Variants in KCMF1 observed in about 807,000 individuals in gnomAD.
KCMF1 encodes E3 ubiquitin-protein ligase KCMF1.
A neutral mutation model predicts 41.1 loss-of-function variants in KCMF1; 3 were observed. The observed-to-expected ratio is 0.07, with a 90% CI of 0.03 to 0.19. The LOEUF is 0.19. Among genes scored for constraint, KCMF1 ranks in the 10% least tolerant of loss-of-function variants. The pLI is 1.00. For synonymous variants in KCMF1, 142 were observed against 164.5 expected, an observed-to-expected ratio of 0.86 and a Z score of 1.04; for missense variants, 286 against 488.9, an observed-to-expected ratio of 0.58 and a Z score of 3.91.
intron 3 of KCMF1, among the ~76,000 whole-genome samples, chr2:85,035,969 A>G (rs1675392588): frequency 6.6e-6 from 1 of 152,214 alleles, no homozygotes; most frequent in Admixed American, 6.5e-5. Context: ...ATTGAAACCC[A>G]GAGAAATAAA....
Position 84,971,325 on chromosome 2 carries a change from C to G in KCMF1, c.-127C>G, listed in dbSNP as rs1272846149. On this transcript the variant is annotated 5_prime_UTR_variant, in exon 1 of 7. Transcript: ENST00000409785. ...CCGCGGGAGCGCTCCCCTGCCCACC[C>G]CGCCCCCGCGGCCGAGCCCGGGAGT... The G allele has an allele frequency of 2.8e-6, 1 of 357,982 alleles. No homozygotes were observed. Among genetic ancestry groups the G allele is most frequent in the South Asian group, 1.0e-4 (1 of 9,644 alleles). The allele number at this position is 357,982 out of a possible 1,614,324, so 22.2% of individuals were successfully genotyped here.
At chr2:85,016,950 GC>G (rs943733118) in intron 1 of KCMF1, among the ~76,000 whole-genome samples, 3 of 151,174 alleles carry the variant, frequency 2.0e-5, no homozygotes, top group African/African-American at 7.3e-5. Context: ...TCAGGCGTGA[GC>G]CACTGCGCCC....
At chr2:85,014,724 C>CGTGCGTGTGTGT (rs1491265978) in intron 1 of KCMF1, among the ~76,000 whole-genome samples, 1 of 138,206 alleles carries the variant, frequency 7.2e-6, no homozygotes, top group Non-Finnish European at 1.6e-5. Flanking sequence ...TGCGTGCGTG[C>CGTGCGTGTGTGT]GTGTGTGTGT....
At chr2:84,972,288 T>A (rs1216856961) in intron 1 of KCMF1, 1 of 152,276 alleles carries the variant, frequency 6.6e-6, no homozygotes, top group Non-Finnish European at 1.5e-5. Flanking sequence ...TGTTTTGCCA[T>A]TTTAAAACAC....
At chr2:85,022,616 T>C (rs1674973801) in intron 1 of KCMF1, among the ~76,000 whole-genome samples, 1 of 152,058 alleles carries the variant, frequency 6.6e-6, no homozygotes, top group African/African-American at 2.4e-5. Context: ...GAAGGGACTT[T>C]TAAAAATAAA....
intron 2 of KCMF1, among the ~76,000 whole-genome samples, chr2:85,029,703 AAGAGTTTCAC>A (rs1341807066): frequency 7.0e-6 from 1 of 143,336 alleles, no homozygotes; most frequent in African/African-American, 2.6e-5. Flanking sequence ...TTTTTGAGAC[AAGAGTTTCAC>A]TCTTGTCGCC....
At chr2:85,043,428 T>C (rs1398319771) in intron 3 of KCMF1, 136 bp from the exon 4 acceptor site, 3 of 656,402 alleles carry the variant, frequency 4.6e-6, no homozygotes, top group Non-Finnish European at 2.8e-6. Flanking sequence ...TTCTACTGCT[T>C]TTCACTGATT....
intron 2 of KCMF1, among the ~76,000 whole-genome samples, chr2:85,029,710 T>G (rs1379829956): frequency 6.8e-6 from 1 of 147,890 alleles, no homozygotes; most frequent in East Asian, 2.0e-4. Flanking sequence ...GACAAGAGTT[T>G]CACTCTTGTC....
chr2:84,984,201 C>T (rs1020992535), intron 1 of KCMF1, among the ~76,000 whole-genome samples: 1 of 151,634 alleles, frequency 6.6e-6, no homozygotes, highest in Non-Finnish European at 1.5e-5. Flanking sequence ...ACCCCATCTT[C>T]ACAAAATAAG....
intron 1 of KCMF1, chr2:85,014,140 T>G (rs1674711322): frequency 6.6e-6 from 1 of 152,182 alleles, no homozygotes; most frequent in Admixed American, 6.6e-5. Flanking sequence ...TAGAGTTTTG[T>G]TTGGTGATAA....
intron 3 of KCMF1, among the ~76,000 whole-genome samples, chr2:85,039,468 T>C (rs1558584449): frequency 6.6e-6 from 1 of 152,326 alleles, no homozygotes; most frequent in Non-Finnish European, 1.5e-5. Context: ...CTTTAGGTGC[T>C]TTCATAGAGG....
intron 1 of KCMF1, among the ~76,000 whole-genome samples, chr2:85,014,483 G>T (rs1207261436): frequency 6.6e-6 from 1 of 151,988 alleles, no homozygotes; most frequent in Non-Finnish European, 1.5e-5. Context: ...ATCTGTAAAA[G>T]AATCAACAGT....
chr2:85,018,345 C>T (rs1217568742), intron 1 of KCMF1, among the ~76,000 whole-genome samples: 1 of 149,724 alleles, frequency 6.7e-6, no homozygotes, highest in South Asian at 2.1e-4. Context: ...ACTCGGCTCA[C>T]TGCAACCTCT....
intron 3 of KCMF1, among the ~76,000 whole-genome samples, chr2:85,042,104 T>C: frequency 6.6e-6 from 1 of 152,222 alleles, no homozygotes; most frequent in East Asian, 1.9e-4. Flanking sequence ...TTTTCTCTTT[T>C]GCCTCATCAC....
intron 1 of KCMF1, among the ~76,000 whole-genome samples, chr2:84,997,546 T>C (rs1331367660): frequency 6.6e-6 from 1 of 152,020 alleles, no homozygotes; most frequent in Non-Finnish European, 1.5e-5. Context: ...AGGCATCATA[T>C]TAGGAAATGG....
In KCMF1 at chr2:84,978,006, C is replaced by CTT. The variant is rs79184611; in HGVS notation, c.16+6551_16+6552dup. 1.6e-3 allele frequency among the ~76,000 whole-genome samples: 234 copies of CTT among 145,896 alleles called. 2 individuals are homozygous for CTT. The East Asian group carries it at 0.037, about 23-fold the overall frequency. On this transcript the variant is annotated intron_variant, in intron 1 of 6. Coordinates refer to ENST00000409785, the MANE Select transcript of KCMF1 (RefSeq NM_020122.5). ...GATTTTAAGATGTTTTAGCAGCAAT[C>CTT]TTTTTTTTTTTTTCTTTCCTCGCTC... is the stretch of plus-strand genomic sequence containing the variant.
chr2:85,006,825 C>A (rs1450517551), intron 1 of KCMF1, among the ~76,000 whole-genome samples: 1 of 151,544 alleles, frequency 6.6e-6, no homozygotes, highest in Admixed American at 6.6e-5. Flanking sequence ...AATAGAACAT[C>A]TCGGCCAGGC....
chr2:84,980,841 G>C (rs547453499), intron 1 of KCMF1, among the ~76,000 whole-genome samples: 86 of 152,090 alleles, frequency 5.7e-4, no homozygotes, highest in Non-Finnish European at 1.2e-3. Context: ...GGGTCTCATT[G>C]TGTCATCCAG....
chr2:85,042,929 A>G (rs7574740), intron 3 of KCMF1, among the ~76,000 whole-genome samples: 3 of 152,116 alleles, frequency 2.0e-5, no homozygotes, highest in Admixed American at 6.5e-5. Context: ...AAGTTGTTCT[A>G]CTACTCCTTG....
Sources: allele counts gnomAD v4.1 joint callset (sites outside exome capture counted in the v4.1 genomes callset), GRCh38; gene constraint gnomAD v4.1.1; transcripts MANE v1.5; gene names NCBI Gene and HGNC (gene_info 2026-07-23, HGNC 2026-07-21).